USH2A: variants seen among roughly 807,000 people sequenced by gnomAD.
The protein encoded by USH2A is Usher syndrome 2A (autosomal recessive, mild).
USH2A carries 443 observed loss-of-function variants against 538.9 expected under a neutral mutation model. That is an observed-to-expected ratio of 0.82 (90% confidence interval 0.76 to 0.89). The LOEUF is 0.89. Among genes scored for constraint, USH2A ranks in the 40% least tolerant of loss-of-function variants. The pLI is 0.00. For synonymous variants in USH2A, 2,413 were observed against 2,273.5 expected (o/e 1.06, Z -1.75); for missense variants, 6,633 against 6,324.8 (o/e 1.05, Z -1.65).
In USH2A at chr1:215,776,404, T is replaced by C. The variant is rs1571675573; in HGVS notation, c.10939+3439A>G. Among the ~76,000 whole-genome samples, 9 of 152,348 alleles carry C rather than the reference T, an allele frequency of 5.9e-5. 1 individual carries two copies. The South Asian group carries it at 1.7e-3, about 28-fold the overall frequency. ...TTTTTTTAACATCTTGAGAGGATTA[T>C]AAGCAATTTATGGATTTCACATGAT... On this transcript the variant is annotated intron_variant, in intron 55 of 71. Coordinates refer to ENST00000307340, the MANE Select transcript of USH2A (RefSeq NM_206933.4).
At chr1:216,095,412 T>G (rs1019847693) in intron 22 of USH2A, among the ~76,000 whole-genome samples, 1 of 152,182 alleles carries the variant, frequency 6.6e-6, no homozygotes, top group South Asian at 2.1e-4. Context: ...TGAATCAACT[T>G]CAGCTGATTT....
At chr1:216,098,876 G>C (rs2032511094) in intron 21 of USH2A, among the ~76,000 whole-genome samples, 1 of 152,166 alleles carries the variant, frequency 6.6e-6, no homozygotes, top group Non-Finnish European at 1.5e-5. Context: ...TGAAGGATTT[G>C]GCGGGAATTG....
At chr1:215,720,454 A>G (rs1161755579) in intron 61 of USH2A, among the ~76,000 whole-genome samples, 1 of 152,210 alleles carries the variant, frequency 6.6e-6, no homozygotes, top group Non-Finnish European at 1.5e-5. Context: ...AAGTGATCCC[A>G]TAGTTTTGGG....
chr1:216,128,032 T>C (rs997044643), intron 21 of USH2A, among the ~76,000 whole-genome samples: 1 of 152,126 alleles, frequency 6.6e-6, no homozygotes, highest in Admixed American at 6.6e-5. Context: ...TTTGCTAACT[T>C]TGGAGCCAAG....
intron 44 of USH2A, among the ~76,000 whole-genome samples, chr1:215,864,363 A>G (rs1664416013): frequency 6.6e-6 from 1 of 152,184 alleles, no homozygotes; most frequent in Non-Finnish European, 1.5e-5. Flanking sequence ...TCAAATACAA[A>G]AACTGTGATT....
chr1:216,068,379 A>C (rs2031449861), intron 30 of USH2A, among the ~76,000 whole-genome samples: 1 of 152,158 alleles, frequency 6.6e-6, no homozygotes, highest in South Asian at 2.1e-4. Flanking sequence ...CCCTGGGAAG[A>C]ATCCACCCAG....
intron 47 of USH2A, among the ~76,000 whole-genome samples, chr1:215,821,076 T>A (rs530838989): frequency 6.6e-6 from 1 of 151,800 alleles, no homozygotes; most frequent in African/African-American, 2.4e-5. Context: ...TTTCAATATA[T>A]TGTTTTCCTT....
At chr1:216,032,151 A>C (rs1669142894) in intron 32 of USH2A, among the ~76,000 whole-genome samples, 1 of 152,110 alleles carries the variant, frequency 6.6e-6, no homozygotes, top group South Asian at 2.1e-4. Context: ...TGCTCAACAA[A>C]TATTTTCTGA....
At chr1:215,807,542 T>C (rs543475642) in intron 49 of USH2A, among the ~76,000 whole-genome samples, 9 of 152,178 alleles carry the variant, frequency 5.9e-5, no homozygotes, top group Admixed American at 5.9e-4. Context: ...ACAAAATGCT[T>C]TTTCTAGGAC....
At chr1:215,862,265 G>T (rs527833692) in intron 44 of USH2A, among the ~76,000 whole-genome samples, 1 of 152,080 alleles carries the variant, frequency 6.6e-6, no homozygotes, top group East Asian at 1.9e-4. Context: ...TCCTTTGTAG[G>T]GACATGGATG....
intron 24 of USH2A, among the ~76,000 whole-genome samples, chr1:216,085,832 A>G (rs1036822934): frequency 2.0e-5 from 3 of 151,990 alleles, no homozygotes; most frequent in African/African-American, 7.3e-5. Flanking sequence ...GGAGGTAACT[A>G]TAATCAGCCT....
At chr1:216,172,129 C>T (rs2034286541) in intron 21 of USH2A, among the ~76,000 whole-genome samples, 1 of 151,982 alleles carries the variant, frequency 6.6e-6, no homozygotes, top group Non-Finnish European at 1.5e-5. Flanking sequence ...GAATTATTCT[C>T]TTTCTATTGT....
At chr1:216,120,455 C>T (rs1190443031) in intron 21 of USH2A, among the ~76,000 whole-genome samples, 1 of 151,856 alleles carries the variant, frequency 6.6e-6, no homozygotes, top group Non-Finnish European at 1.5e-5. Context: ...TCTCAGCTCA[C>T]TGCAAGCTCC....
intron 58 of USH2A, among the ~76,000 whole-genome samples, chr1:215,754,031 G>A (rs776181445): frequency 1.6e-4 from 24 of 152,166 alleles, no homozygotes; most frequent in Non-Finnish European, 3.1e-4. Context: ...GCAGACAGTA[G>A]ACCTGAATTT....
At chr1:216,238,186 G>A (rs976377715) in intron 13 of USH2A, among the ~76,000 whole-genome samples, 1 of 152,134 alleles carries the variant, frequency 6.6e-6, no homozygotes, top group African/African-American at 2.4e-5. Flanking sequence ...GGAAGCAGGA[G>A]GCACTGCCCT....
intron 19 of USH2A, among the ~76,000 whole-genome samples, chr1:216,191,678 T>C (rs1052939401): frequency 4.6e-5 from 7 of 151,982 alleles, no homozygotes; most frequent in Non-Finnish European, 1.0e-4. Context: ...AAAATAAACC[T>C]TGAACTGAGT....
chr1:215,665,592 A>C (rs1210044849), intron 64 of USH2A, among the ~76,000 whole-genome samples: 1 of 152,120 alleles, frequency 6.6e-6, no homozygotes, highest in African/African-American at 2.4e-5. Flanking sequence ...AAAGGTAAAA[A>C]CCAAAATGTC....
At chr1:215,985,063 G>T (rs1012131843) in intron 35 of USH2A, among the ~76,000 whole-genome samples, 1 of 152,184 alleles carries the variant, frequency 6.6e-6, no homozygotes, top group African/African-American at 2.4e-5. Flanking sequence ...GTTACGCAAG[G>T]TTTGCTCAAA....
chr1:216,195,697 G>A (rs1042424688), intron 19 of USH2A: 1 of 159,674 alleles, frequency 6.3e-6, no homozygotes, highest in African/African-American at 2.4e-5. Flanking sequence ...ATCTATGGGA[G>A]TAGGTATAAA....
Sources: allele counts gnomAD v4.1 joint callset (sites outside exome capture counted in the v4.1 genomes callset), GRCh38; gene constraint gnomAD v4.1.1; transcripts MANE v1.5; gene names NCBI Gene and HGNC (gene_info 2026-07-23, HGNC 2026-07-21).